WDR89: variants seen among roughly 807,000 people sequenced by gnomAD.
WDR89 encodes WD repeat-containing protein 89.
Under a neutral mutation model 29.1 loss-of-function variants are expected in WDR89, and 17 were observed. That is an observed-to-expected ratio of 0.58 (90% CI 0.40 to 0.88). The LOEUF (loss-of-function observed/expected upper bound fraction) is 0.88, where lower values mean the gene tolerates loss of function less well. WDR89 is among the 40% of genes least tolerant of loss of function. The probability of loss-of-function intolerance (pLI) is 0.00; values close to 1 mark genes in which losing one functional copy is unlikely to be tolerated. For missense variants in WDR89, 396 were observed against 456.3 expected (o/e 0.87, Z 1.20); for synonymous variants, 138 against 157.8 (o/e 0.87, Z 0.94).
chr14:63,627,399 C>T (rs912792546), intron 1 of WDR89, among the ~76,000 whole-genome samples: 3 of 152,092 alleles, frequency 2.0e-5, no homozygotes, highest in African/African-American at 4.8e-5. Flanking sequence ...TAGAGTATTG[C>T]CACATAAAAC....
At chr14:63,639,460 G>C (rs1285050454) in intron 1 of WDR89, among the ~76,000 whole-genome samples, 2 of 140,986 alleles carry the variant, frequency 1.4e-5, no homozygotes, top group Non-Finnish European at 3.1e-5. Context: ...AAAAAAGAAA[G>C]AAACAAAGGC....
chr14:63,605,568 T>C (rs1288934370), intron 2 of WDR89, among the ~76,000 whole-genome samples: 1 of 151,988 alleles, frequency 6.6e-6, no homozygotes, highest in African/African-American at 2.4e-5. Flanking sequence ...CAAGAAATTC[T>C]CCTGCCTCAG....
chr14:63,640,614 G>A (rs1334764780), intron 1 of WDR89, among the ~76,000 whole-genome samples: 3 of 150,256 alleles, frequency 2.0e-5, no homozygotes, highest in Non-Finnish European at 3.0e-5. Context: ...TCAGCCTCCC[G>A]AGTAGCTGGG....
chr14:63,615,479 G>GAGGAAAA (rs1882242399), intron 2 of WDR89, among the ~76,000 whole-genome samples: 1 of 152,150 alleles, frequency 6.6e-6, no homozygotes, highest in Non-Finnish European at 1.5e-5. Context: ...CAAAAAAAAT[G>GAGGAAAA]AGGAAAAACA....
At chr14:63,630,502 G>C (rs919311586) in intron 1 of WDR89, among the ~76,000 whole-genome samples, 3 of 151,882 alleles carry the variant, frequency 2.0e-5, no homozygotes, top group Non-Finnish European at 4.4e-5. Flanking sequence ...AAATTAGCCG[G>C]GATGGTGGCC....
chr14:63,611,335 CAAA>C (rs769975882), intron 2 of WDR89, among the ~76,000 whole-genome samples: 276 of 22,870 alleles, frequency 0.012, no homozygotes, highest in African/African-American at 0.032. Context: ...GGCCCTGTCG[CAAA>C]AAAAAAAAAA....
At position 63,631,896 on chromosome 14, in the gene WDR89, G is replaced by C. The variant is rs575619658; in HGVS notation, c.-137-6863C>G. Reference sequence around the variant, plus strand: ...GGAGGCCTAGGCAGGCAGATCACCTGAGGCCAGGAGTTTGAGACCAGCCTG... The same window carrying C: ...GGAGGCCTAGGCAGGCAGATCACCTCAGGCCAGGAGTTTGAGACCAGCCTG... On this transcript the variant is annotated intron_variant, in intron 1 of 2. Transcript: ENST00000620954. Among the ~76,000 whole-genome samples the C allele has an allele frequency of 4.3e-3, 655 of 152,224 alleles. 7 individuals are homozygous for C. The highest frequency in any genetic ancestry group is 0.015 in the African/African-American group (603 of 41,560).
intron 2 of WDR89, chr14:63,617,996 T>C (rs1754923968): frequency 6.6e-6 from 1 of 152,168 alleles, no homozygotes; most frequent in Admixed American, 6.6e-5. Context: ...ACAAGAATTC[T>C]AGGTGGTGAT....
Position 63,599,072 on chromosome 14 carries a change from C to T in WDR89, c.871G>A (p.Val291Ile), listed in dbSNP as rs753332841. ...LYHEKTDTLHVIGGTNKGRIH... is the reference protein window; with the variant it reads ...LYHEKTDTLHIIGGTNKGRIH... ...CTTCCTTTGTTTGTTCCTCCAATAACATGCAATGTGTCTGTCTTTTCATGA... is the reference window on the plus strand; with the variant it reads ...CTTCCTTTGTTTGTTCCTCCAATAATATGCAATGTGTCTGTCTTTTCATGA... The change falls in exon 3 of 3, where the codon GTT (valine) becomes ATT (isoleucine). Residue 291 changes from valine (V) to isoleucine (I), a missense_variant. Physicochemically the swap from Val to Ile is conservative, Grantham distance 29 (BLOSUM62 3). Transcript: ENST00000620954. The T allele has an allele frequency of 1.4e-5, 22 of 1,614,090 alleles. No homozygotes were observed. In the South Asian group the frequency reaches 2.3e-4, roughly 17 times the overall value.
At chr14:63,641,097 C>CAAAAAAAAAAAAAAAAAAAAAAAAA (rs57478091) in intron 1 of WDR89, among the ~76,000 whole-genome samples, 2 of 64,146 alleles carry the variant, frequency 3.1e-5, no homozygotes, top group East Asian at 5.9e-4. Flanking sequence ...GACTCCATCT[C>CAAAAAAAAAAAAAAAAAAAAAAAAA]AAAAAAAAAA....
intron 2 of WDR89, among the ~76,000 whole-genome samples, chr14:63,623,555 T>C (rs895820964): frequency 3.3e-5 from 5 of 151,638 alleles, no homozygotes; most frequent in African/African-American, 1.2e-4. Context: ...ATTACAAAAA[T>C]TAGCCGAGTG....
At chr14:63,627,180 TC>T (rs1883128771) in intron 1 of WDR89, among the ~76,000 whole-genome samples, 1 of 149,516 alleles carries the variant, frequency 6.7e-6, no homozygotes, top group Non-Finnish European at 1.5e-5. Context: ...TCTCTCTCTC[TC>T]TCCTCTCTAA....
chr14:63,611,335 C>CAAAAAAA (rs769975882), intron 2 of WDR89, among the ~76,000 whole-genome samples: 2 of 22,916 alleles, frequency 8.7e-5, no homozygotes, highest in African/African-American at 1.2e-4. Context: ...GGCCCTGTCG[C>CAAAAAAA]AAAAAAAAAA....
intron 1 of WDR89, among the ~76,000 whole-genome samples, chr14:63,639,171 C>CT (rs1254114628): frequency 2.0e-4 from 31 of 152,244 alleles, no homozygotes; most frequent in South Asian, 1.2e-3. Context: ...GCCTGCAACA[C>CT]TTTGACTTTA....
In WDR89 at chr14:63,599,872, G is replaced by C. The variant is rs1894979623; in HGVS notation, c.71C>G (p.Thr24Ser). ...VKCSLGTKEP[T>S]YLLGIDTSKT... ...TGATGTGTCTATACCAAGAAGGTAAGTGGGCTCTTTGGTTCCTAAGGAACA... is the reference window on the plus strand; with the variant it reads ...TGATGTGTCTATACCAAGAAGGTAACTGGGCTCTTTGGTTCCTAAGGAACA... Residue 24 changes from threonine to serine, a missense_variant, in exon 3 of 3, where the codon ACT becomes AGT. Transcript: ENST00000620954. 6.2e-7 allele frequency: 1 copy of C among 1,613,910 alleles called. No homozygotes were observed. The highest frequency in any genetic ancestry group is 1.3e-5 in the African/African-American group (1 of 74,912).
At chr14:63,636,052 C>CA (rs998493809) in intron 1 of WDR89, among the ~76,000 whole-genome samples, 11 of 151,924 alleles carry the variant, frequency 7.2e-5, no homozygotes, top group East Asian at 1.9e-4. Flanking sequence ...ATCAAAAATA[C>CA]AAAAAAATCA....
At chr14:63,607,615 C>T (rs541473034) in intron 2 of WDR89, among the ~76,000 whole-genome samples, 19 of 151,858 alleles carry the variant, frequency 1.3e-4, no homozygotes, top group Admixed American at 1.0e-3. Flanking sequence ...GGCATGGTGG[C>T]TCACATCTGT....
chr14:63,632,743 T>C (rs1883490567), intron 1 of WDR89, among the ~76,000 whole-genome samples: 1 of 151,964 alleles, frequency 6.6e-6, no homozygotes, highest in Non-Finnish European at 1.5e-5. Flanking sequence ...CCAAGCACCC[T>C]ATAATAGAGA....
At chr14:63,635,354 A>C (rs1883662261) in intron 1 of WDR89, among the ~76,000 whole-genome samples, 1 of 152,242 alleles carries the variant, frequency 6.6e-6, no homozygotes, top group African/African-American at 2.4e-5. Context: ...GATGTACCAC[A>C]TAAACAGAAT....
Sources: allele counts gnomAD v4.1 joint callset (sites outside exome capture counted in the v4.1 genomes callset), GRCh38; gene constraint gnomAD v4.1.1; transcripts MANE v1.5; gene names NCBI Gene and HGNC (gene_info 2026-07-23, HGNC 2026-07-21).